COCH: variants seen among roughly 807,000 people sequenced by gnomAD.
COCH encodes the protein cochlin, also known as coagulation factor C homolog, cochlin (Limulus polyphemus).
COCH carries 40 observed loss-of-function variants against 54.8 expected under a neutral mutation model. The ratio of observed to expected loss-of-function variants is 0.73; its 90% confidence interval spans 0.57 to 0.95. The LOEUF is 0.95. Among genes scored for constraint, COCH ranks in the 40% least tolerant of loss-of-function variants. The pLI is 0.00. For missense variants in COCH, 605 were observed against 675.0 expected, an observed-to-expected ratio of 0.90 and a Z score of 1.15; for synonymous variants, 256 against 237.9, an observed-to-expected ratio of 1.08 and a Z score of -0.70.
At position 30,886,159 on chromosome 14, in the gene COCH, G is replaced by C. The variant is rs774252846; in HGVS notation, c.1324G>C (p.Gly442Arg). ...AVIRNIRYMSGGTATGDAISF... is the reference protein window; with the variant it reads ...AVIRNIRYMSRGTATGDAISF... ...CATCAGAAACATCCGCTATATGAGT[G>C]GTGGAACAGCTACTGGTGATGCCAT... is the stretch of plus-strand genomic sequence containing the variant. The change falls in exon 11 of 12, where the codon GGT becomes CGT. Residue 442 changes from glycine to arginine, a missense_variant. By Grantham distance (125) the Gly-to-Arg change is moderately radical. Coordinates refer to ENST00000396618, the MANE Select transcript of COCH (RefSeq NM_004086.3). The C allele has an allele frequency of 6.2e-7, 1 of 1,611,182 alleles. No homozygotes were observed.
intron 8 of COCH, among the ~76,000 whole-genome samples, chr14:30,881,809 A>T (rs574402859): frequency 6.6e-6 from 1 of 151,558 alleles, no homozygotes; most frequent in African/African-American, 2.4e-5. Context: ...ATACAAAAAA[A>T]AAAAATTAGC....
At chr14:30,880,759 A>AT (rs1159511609) in intron 8 of COCH, 25 bp downstream of exon 8, 2 of 1,568,306 alleles carry the variant, frequency 1.3e-6, no homozygotes, top group East Asian at 4.5e-5. Context: ...AAAATGGGAG[A>AT]TTTAAAAAAA....
In COCH at chr14:30,874,595, C is replaced by T; in HGVS notation, c.-24+4C>T. On this transcript the variant is annotated splice_donor_region_variant and intron_variant, in intron 1 of 11. Coordinates refer to ENST00000396618, the MANE Select transcript of COCH (RefSeq NM_004086.3). ...CAGCCGGGTGGATCTCGAGCAGGTGCGGAGCCCCGGGCGGCGGGCGCGGGT... is the reference window on the plus strand; with the variant it reads ...CAGCCGGGTGGATCTCGAGCAGGTGTGGAGCCCCGGGCGGCGGGCGCGGGT... The T allele has an allele frequency of 1.2e-5, 6 of 481,762 alleles. No homozygotes were observed. The highest frequency in any genetic ancestry group is 2.3e-5 in the Non-Finnish European group (6 of 265,258). 29.8% of individuals were successfully genotyped at this position (481,762 alleles called of 1,614,324 possible).
At chr14:30,887,796 G>A (rs181108534) in intron 11 of COCH, among the ~76,000 whole-genome samples, 36 of 152,262 alleles carry the variant, frequency 2.4e-4, no homozygotes, top group Non-Finnish European at 3.4e-4. Flanking sequence ...GAGAACACAT[G>A]CAATTTAAGT....
Position 30,886,032 on chromosome 14 carries a change from C to T in COCH, c.1197C>T (p.Ile399=). The T allele has an allele frequency of 6.2e-7, 1 of 1,614,236 alleles. No individual in the cohort carries two copies. The highest frequency in any genetic ancestry group is 1.3e-5 in the African/African-American group (1 of 75,064). The part of the protein sequence containing the change: ...FVSNIAKTFE[I]SDIGAKIAAV... ...CCAACATAGCCAAGACTTTTGAAAT[C>T]TCGGACATTGGTGCCAAGATAGCTG... Residue 399 remains isoleucine, a synonymous_variant, in exon 11 of 12, where the codon ATC becomes ATT. Transcript: ENST00000396618.
At chr14:30,888,524 G>T (rs959273153) in intron 11 of COCH, among the ~76,000 whole-genome samples, 6 of 151,844 alleles carry the variant, frequency 4.0e-5, no homozygotes, top group Non-Finnish European at 8.8e-5. Flanking sequence ...GCTTATGCCT[G>T]TAATCCCAGC....
intron 4 of COCH, 128 bp from the exon 5 acceptor site, chr14:30,878,683 T>C: frequency 7.5e-7 from 1 of 1,332,702 alleles, no homozygotes; most frequent in South Asian, 1.3e-5. Context: ...AGCAGAATCT[T>C]TAGATGACTT....
Position 30,874,587 on chromosome 14 carries a change from A to C in COCH, c.-28A>C. On this transcript the variant is annotated 5_prime_UTR_variant, in exon 1 of 12. Coordinates refer to ENST00000396618, the MANE Select transcript of COCH (RefSeq NM_004086.3). Reference sequence around the variant, plus strand: ...CTCGGGCGCAGCCGGGTGGATCTCGAGCAGGTGCGGAGCCCCGGGCGGCGG... The same window carrying C: ...CTCGGGCGCAGCCGGGTGGATCTCGCGCAGGTGCGGAGCCCCGGGCGGCGG... 2.2e-6 allele frequency: 1 copy of C among 451,880 alleles called. No homozygotes were observed. The highest frequency in any genetic ancestry group is 2.4e-5 in the South Asian group (1 of 42,524). 28.0% of individuals were successfully genotyped at this position (451,880 alleles called of 1,614,324 possible). A position where few individuals can be genotyped will look rare whatever the true frequency, so the allele number is the denominator to read the frequency against.
chr14:30,886,370 G>C, intron 11 of COCH, 58 bp downstream of exon 11: 2 of 1,578,878 alleles, frequency 1.3e-6, no homozygotes, highest in Non-Finnish European at 1.7e-6. Context: ...AGTGAATTTA[G>C]GAGTAAATAA....
rs1218724276 is a variant in COCH at position 30,879,084 on chromosome 14, G to C, written c.373+140G>C. The C allele has an allele frequency of 6.3e-6, 8 of 1,279,944 alleles. No individual in the cohort carries two copies. In the East Asian group the frequency reaches 1.9e-4, roughly 30 times the overall value. The allele number at this position is 1,279,944 out of a possible 1,614,324, so 79.3% of individuals were successfully genotyped here. A position where few individuals can be genotyped will look rare whatever the true frequency, so the allele number is the denominator to read the frequency against. On this transcript the variant is annotated intron_variant, in intron 5 of 11. Coordinates refer to ENST00000396618, the MANE Select transcript of COCH (RefSeq NM_004086.3). ...GCTGACCTATAGAGGTAAACTGTAGGTTAGACTGAGGGGTCAAGTACCCAC... is the reference window on the plus strand; with the variant it reads ...GCTGACCTATAGAGGTAAACTGTAGCTTAGACTGAGGGGTCAAGTACCCAC...
intron 11 of COCH, among the ~76,000 whole-genome samples, chr14:30,888,948 T>C (rs760466855): frequency 6.6e-6 from 1 of 152,144 alleles, no homozygotes; most frequent in African/African-American, 2.4e-5. Flanking sequence ...TGGAAGAAAT[T>C]ACTCCAGTTT....
rs1052850884 is a variant in COCH at position 30,884,855 on chromosome 14, T to C, written c.733+199T>C. 4.6e-5 allele frequency: 69 copies of C among 1,486,598 alleles called. No homozygotes were observed. In the African/African-American group the frequency reaches 8.8e-4, roughly 19 times the overall value. The allele number at this position is 1,486,598 out of a possible 1,614,324, so 92.1% of individuals were successfully genotyped here. On this transcript the variant is annotated intron_variant, in intron 9 of 11. Transcript: ENST00000396618. ...TATACCAAAGTGTTGATATTTCTTA[T>C]TTTAAAAAATATAAAGCATGGTGAT... is the stretch of plus-strand genomic sequence containing the variant.
rs1451633659 is a variant in COCH at position 30,889,607 on chromosome 14, T to A, written c.1478-9T>A. On this transcript the variant is annotated splice_polypyrimidine_tract_variant and intron_variant, in intron 11 of 11. Transcript: ENST00000396618. ...ATTTTCAATTCACTTTAAAATGTTT[T>A]CATTGTAGGAATCACTATCTTCTCT... 1.9e-6 allele frequency: 3 copies of A among 1,613,008 alleles called. No homozygotes were observed. The Admixed American group carries it at 5.0e-5, about 27-fold the overall frequency.
At chr14:30,882,127 T>TTTTTTTTTTTTTTG (rs1895625473) in intron 8 of COCH, among the ~76,000 whole-genome samples, 3 of 98,518 alleles carry the variant, frequency 3.0e-5, no homozygotes, top group African/African-American at 8.0e-5. Context: ...ATGGTTTTTT[T>TTTTTTTTTTTTTTG]TTTTTTTTTT....
downstream of COCH, among the ~76,000 whole-genome samples, chr14:30,892,194 C>T (rs921634460): frequency 6.6e-6 from 1 of 152,176 alleles, no homozygotes; most frequent in Non-Finnish European, 1.5e-5. Context: ...TACCTTTAGT[C>T]TCTTCCAAAT....
In COCH at chr14:30,886,314, TA is replaced by T. The variant is rs753777965; in HGVS notation, c.1477+4del. ...CTGCAGCTGCTGCACATGATGCAGG[TA>T]AGGTCCTTGTTCTTTATAGGAGAAG... On this transcript the variant is annotated splice_donor_region_variant and intron_variant, in intron 11 of 11. Transcript: ENST00000396618. 27 of 1,614,044 alleles carry T rather than the reference TA, an allele frequency of 1.7e-5. No individual in the cohort carries two copies. In the South Asian group the frequency reaches 2.5e-4, roughly 15 times the overall value.
chr14:30,882,260 G>C (rs1346408903), intron 8 of COCH, among the ~76,000 whole-genome samples: 1 of 149,452 alleles, frequency 6.7e-6, no homozygotes, highest in Non-Finnish European at 1.5e-5. Context: ...CTCCTGAGTA[G>C]CTGGGATCAC....
intron 3 of COCH, chr14:30,876,688 C>T (rs1309180565): frequency 6.6e-6 from 1 of 152,086 alleles, no homozygotes; most frequent in African/African-American, 2.4e-5. Context: ...GAAAGGATGG[C>T]TTTGATTTGT....
At chr14:30,876,777 T>C (rs1895368938) in intron 3 of COCH, among the ~76,000 whole-genome samples, 2 of 152,180 alleles carry the variant, frequency 1.3e-5, no homozygotes, top group African/African-American at 4.8e-5. Context: ...GTACATAGCG[T>C]CATCAAAGTT....
Sources: gnomAD v4.1 joint callset for allele counts (sites outside exome capture counted in the v4.1 genomes callset) on GRCh38, gnomAD v4.1.1 for gene constraint, MANE v1.5 for transcripts, NCBI Gene and HGNC (gene_info 2026-07-23, HGNC 2026-07-21) for gene names.